Variants in ANKRD6 observed in about 807,000 individuals in gnomAD.
ANKRD6 encodes ankyrin repeat domain-containing protein 6.
ANKRD6 carries 56 observed loss-of-function variants against 82.3 expected under a neutral mutation model. The observed-to-expected ratio is 0.68, with a 90% CI of 0.55 to 0.85. The LOEUF is 0.85. Ranked by LOEUF, ANKRD6 falls within the 40% of genes least tolerant of loss-of-function variation. The pLI is 0.00. For synonymous variants in ANKRD6, 347 were observed against 352.1 expected (o/e 0.99, Z 0.16); for missense variants, 852 against 907.6 (o/e 0.94, Z 0.79).
chr6:89,610,187 A>T (rs1799859222), intron 5 of ANKRD6, among the ~76,000 whole-genome samples: 1 of 152,150 alleles, frequency 6.6e-6, no homozygotes, highest in Non-Finnish European at 1.5e-5. Flanking sequence ...ACAAATGTAT[A>T]CGGTTGTGTA....
At chr6:89,535,463 T>C (rs1783710798) in intron 1 of ANKRD6, among the ~76,000 whole-genome samples, 1 of 152,182 alleles carries the variant, frequency 6.6e-6, no homozygotes, top group Non-Finnish European at 1.5e-5. Context: ...CACTCACAGA[T>C]CAATGCAAAA....
chr6:89,462,601 A>G (rs983020972), intron 1 of ANKRD6, among the ~76,000 whole-genome samples: 5 of 152,194 alleles, frequency 3.3e-5, no homozygotes, highest in Non-Finnish European at 7.3e-5. Flanking sequence ...TACCAGTACC[A>G]TTTTAAGTCC....
chr6:89,447,525 A>T (rs1772239627), intron 1 of ANKRD6, among the ~76,000 whole-genome samples: 1 of 152,202 alleles, frequency 6.6e-6, no homozygotes, highest in Non-Finnish European at 1.5e-5. Flanking sequence ...GTAACATAAA[A>T]GTGCAAGGTA....
At chr6:89,436,120 T>G (rs1443684474) in intron 1 of ANKRD6, among the ~76,000 whole-genome samples, 1 of 152,238 alleles carries the variant, frequency 6.6e-6, no homozygotes, top group Non-Finnish European at 1.5e-5. Context: ...GAGTATTTAC[T>G]TAGAAGTTGT....
At chr6:89,565,810 T>G (rs1275761625) in intron 1 of ANKRD6, among the ~76,000 whole-genome samples, 2 of 152,256 alleles carry the variant, frequency 1.3e-5, no homozygotes, top group Non-Finnish European at 1.5e-5. Flanking sequence ...TCCATTTGTA[T>G]GTACTAGTAT....
At chr6:89,498,718 G>C (rs1338911752) in intron 1 of ANKRD6, among the ~76,000 whole-genome samples, 1 of 152,148 alleles carries the variant, frequency 6.6e-6, no homozygotes, top group Non-Finnish European at 1.5e-5. Flanking sequence ...ATACAATCCG[G>C]TCATTGTTTC....
intron 1 of ANKRD6, among the ~76,000 whole-genome samples, chr6:89,470,406 C>T (rs1775305074): frequency 6.6e-6 from 1 of 152,058 alleles, no homozygotes; most frequent in African/African-American, 2.4e-5. Context: ...ATCGCTTGAG[C>T]CCAGAAATTC....
At chr6:89,606,895 T>G (rs1273457706) in intron 5 of ANKRD6, among the ~76,000 whole-genome samples, 1 of 151,730 alleles carries the variant, frequency 6.6e-6, no homozygotes, top group Non-Finnish European at 1.5e-5. Context: ...TTTGGCCAGG[T>G]GCAGTGGCTT....
chr6:89,623,535 A>C lies in ANKRD6; in HGVS notation c.1023A>C (p.Ser341=). 6.3e-7 allele frequency: 1 copy of C among 1,582,906 alleles called. No individual in the cohort carries two copies. The highest frequency in any genetic ancestry group is 8.6e-7 in the Non-Finnish European group (1 of 1,164,456). ...CAAAGGATGACAGGAGGAGAAAGTC[A>C]AGGCCCAAGGTCAGGAGACACAGAA... ...PRAKDDRRRK[S]RPKVSAFSDP... The change falls in exon 11 of 16, where the codon TCA becomes TCC. Residue 341 remains serine, a synonymous_variant. Coordinates refer to ENST00000339746, the MANE Select transcript of ANKRD6 (RefSeq NM_001242809.2).
rs563498629 is a variant in ANKRD6 at position 89,540,516 on chromosome 6, C to G, written c.-143-26318C>G. Among the ~76,000 whole-genome samples the G allele has an allele frequency of 2.6e-5, 4 of 152,182 alleles. No homozygotes were observed. In the South Asian group the frequency reaches 8.3e-4, roughly 32 times the overall value. On this transcript the variant is annotated intron_variant, in intron 1 of 15. Transcript: ENST00000339746. ...GAGTTGTTTGAGCTCCTTATATATTCTTGTTATTAATCCCTTGTCAGGTGG... is the reference window on the plus strand; with the variant it reads ...GAGTTGTTTGAGCTCCTTATATATTGTTGTTATTAATCCCTTGTCAGGTGG...
Position 89,532,130 on chromosome 6 carries a change from A to G in ANKRD6, c.-143-34704A>G, listed in dbSNP as rs552024313. ...AACTGAATGGATGAGGCCCACACAC[A>G]TATGGAACCAATCTGCTTTATTCGG... On this transcript the variant is annotated intron_variant, in intron 1 of 15. Coordinates refer to ENST00000339746, the MANE Select transcript of ANKRD6 (RefSeq NM_001242809.2). Among the ~76,000 whole-genome samples the G allele has an allele frequency of 6.6e-5, 10 of 152,326 alleles. No homozygotes were observed. The South Asian group carries it at 1.0e-3, about 16-fold the overall frequency.
intron 2 of ANKRD6, among the ~76,000 whole-genome samples, chr6:89,571,054 G>GT (rs1254505995): frequency 2.0e-4 from 14 of 71,004 alleles, no homozygotes; most frequent in Non-Finnish European, 3.0e-4. Flanking sequence ...TTCTGTTTTT[G>GT]TTTGTTTGTT....
chr6:89,512,893 T>G (rs1279737898), intron 1 of ANKRD6, among the ~76,000 whole-genome samples: 1 of 152,160 alleles, frequency 6.6e-6, no homozygotes, highest in Non-Finnish European at 1.5e-5. Context: ...TGTTTTTTTC[T>G]TTTCTATTTC....
intron 1 of ANKRD6, among the ~76,000 whole-genome samples, chr6:89,544,814 T>G (rs1239416721): frequency 6.6e-6 from 1 of 151,702 alleles, no homozygotes; most frequent in Non-Finnish European, 1.5e-5. Flanking sequence ...TCAACTGGAG[T>G]GAAAAGGATT....
intron 10 of ANKRD6, among the ~76,000 whole-genome samples, chr6:89,622,871 G>T (rs1804010725): frequency 6.6e-6 from 1 of 152,014 alleles, no homozygotes; most frequent in East Asian, 1.9e-4. Flanking sequence ...CAGGGTTAAG[G>T]CATTACAACT....
intron 5 of ANKRD6, 25 bp from the exon 6 acceptor site, chr6:89,612,247 C>T: frequency 6.5e-7 from 1 of 1,546,314 alleles, no homozygotes; most frequent in Non-Finnish European, 8.8e-7. Context: ...CTAATATGTC[C>T]TCCCTCTCTC....
chr6:89,605,761 A>C (rs1160555291), intron 4 of ANKRD6, among the ~76,000 whole-genome samples: 1 of 152,142 alleles, frequency 6.6e-6, no homozygotes, highest in African/African-American at 2.4e-5. Context: ...ATGAACAATC[A>C]TCCATGGTTC....
chr6:89,569,633 A>G (rs1047635634), intron 2 of ANKRD6, among the ~76,000 whole-genome samples: 7 of 152,228 alleles, frequency 4.6e-5, no homozygotes, highest in Non-Finnish European at 8.8e-5. Context: ...GCTGGGTCGT[A>G]TGGCAAATCT....
chr6:89,434,309 C>A (rs1359377508), intron 1 of ANKRD6, among the ~76,000 whole-genome samples: 3 of 152,152 alleles, frequency 2.0e-5, no homozygotes, highest in African/African-American at 4.8e-5. Context: ...GTGTTAGACA[C>A]CTTTTGCGAA....
Sources: allele counts gnomAD v4.1 joint callset (sites outside exome capture counted in the v4.1 genomes callset), GRCh38; gene constraint gnomAD v4.1.1; transcripts MANE v1.5; gene names NCBI Gene and HGNC (gene_info 2026-07-23, HGNC 2026-07-21).